Variants in MAPK8 observed in about 807,000 individuals in gnomAD.
The protein encoded by MAPK8 is JUN N-terminal kinase.
In MAPK8, 13 loss-of-function variants were observed where a neutral mutation model predicts 52.9. The ratio of observed to expected loss-of-function variants is 0.25; its 90% CI spans 0.16 to 0.39. The LOEUF is 0.39. Among genes scored for constraint, MAPK8 ranks in the 10% least tolerant of loss-of-function variants. MAPK8 has a pLI of 1.00. For missense variants in MAPK8, 300 were observed against 519.2 expected (o/e 0.58, Z 4.10); for synonymous variants, 191 against 169.8 (o/e 1.12, Z -0.97).
chr10:48,385,524 ACT>A (rs1464821387), intron 1 of MAPK8, among the ~76,000 whole-genome samples: 1 of 152,176 alleles, frequency 6.6e-6, no homozygotes, highest in African/African-American at 2.4e-5. Flanking sequence ...GACGAGAAAT[ACT>A]TAGTGTCTGG....
At chr10:48,320,821 A>C (rs1265241187) in intron 1 of MAPK8, among the ~76,000 whole-genome samples, 2 of 152,252 alleles carry the variant, frequency 1.3e-5, no homozygotes, top group East Asian at 3.9e-4. Flanking sequence ...AAGTGGCTGC[A>C]CCATTTTACA....
At chr10:48,418,292 AATT>A (rs1326403455) in intron 5 of MAPK8, among the ~76,000 whole-genome samples, 1 of 152,158 alleles carries the variant, frequency 6.6e-6, no homozygotes, top group African/African-American at 2.4e-5. Flanking sequence ...TTTTTATAAT[AATT>A]AACACCCCAC....
At chr10:48,327,545 C>G (rs569877996) in intron 1 of MAPK8, among the ~76,000 whole-genome samples, 7 of 152,272 alleles carry the variant, frequency 4.6e-5, no homozygotes, top group African/African-American at 1.4e-4. Flanking sequence ...CTGTAGCTTT[C>G]TTTTCTTACC....
chr10:48,357,035 T>C (rs1218475584), intron 1 of MAPK8, among the ~76,000 whole-genome samples: 1 of 152,052 alleles, frequency 6.6e-6, no homozygotes, highest in African/African-American at 2.4e-5. Context: ...AACACTTCGA[T>C]GGGAAAATAC....
intron 1 of MAPK8, among the ~76,000 whole-genome samples, chr10:48,326,860 A>G (rs1016447640): frequency 2.0e-5 from 3 of 152,142 alleles, no homozygotes; most frequent in Non-Finnish European, 4.4e-5. Context: ...TAGTTGTTCA[A>G]TTCCAACATA....
intron 1 of MAPK8, among the ~76,000 whole-genome samples, chr10:48,324,795 C>A (rs946866557): frequency 6.6e-6 from 1 of 152,118 alleles, no homozygotes. Flanking sequence ...TTCACCAGAT[C>A]TATCCATTAT....
rs2044751731 is a variant in MAPK8, at chr10:48,435,143, A to G, written c.*114A>G. The G allele has an allele frequency of 1.2e-6, 1 of 818,998 alleles. No individual in the cohort carries two copies. The highest frequency in any genetic ancestry group is 1.8e-6 in the Non-Finnish European group (1 of 552,208). 50.7% of individuals were successfully genotyped at this position (818,998 alleles called of 1,614,324 possible). On this transcript the variant is annotated 3_prime_UTR_variant, in exon 12 of 12. Transcript: ENST00000374189. ...TGGGTGATTTTTCAAAAAATGTAGA[A>G]TTCATTTTGTAGTAAAGTAGTTTAT...
intron 10 of MAPK8, among the ~76,000 whole-genome samples, chr10:48,427,838 C>G (rs767867671): frequency 1.4e-4 from 22 of 152,188 alleles, no homozygotes; most frequent in Non-Finnish European, 2.2e-4. Flanking sequence ...GTATCTGCCT[C>G]TCTTGCTTTA....
intron 1 of MAPK8, among the ~76,000 whole-genome samples, chr10:48,356,053 G>A (rs562122841): frequency 7.6e-5 from 11 of 144,454 alleles, no homozygotes; most frequent in African/African-American, 2.7e-4. Flanking sequence ...AAATTTAGAA[G>A]TGTGTACTCT....
chr10:48,370,419 AT>A (rs1450174342), intron 1 of MAPK8, among the ~76,000 whole-genome samples: 1 of 152,058 alleles, frequency 6.6e-6, no homozygotes, highest in African/African-American at 2.4e-5. Context: ...TTACATGCTT[AT>A]GTTGTGCTAC....
intron 1 of MAPK8, among the ~76,000 whole-genome samples, chr10:48,347,879 G>A (rs1845939143): frequency 6.6e-6 from 1 of 152,202 alleles, no homozygotes; most frequent in East Asian, 1.9e-4. Context: ...TGGCTTTATA[G>A]TAGAATGATT....
intron 7 of MAPK8, chr10:48,425,336 A>G (rs2043615021): frequency 4.0e-6 from 2 of 496,044 alleles, no homozygotes; most frequent in South Asian, 8.1e-5. Context: ...TAAGGGTCAG[A>G]GCTTTAGAAA....
chr10:48,425,403 A>G (rs1009785140), intron 7 of MAPK8: 4 of 446,500 alleles, frequency 9.0e-6, no homozygotes, highest in Non-Finnish European at 1.6e-5. Flanking sequence ...ACTTTTATCG[A>G]AGCCTTTATT....
chr10:48,339,431 TAACTC>T (rs1429106414), intron 1 of MAPK8, among the ~76,000 whole-genome samples: 1 of 152,092 alleles, frequency 6.6e-6, no homozygotes, highest in African/African-American at 2.4e-5. Context: ...ATACAAAAAT[TAACTC>T]AAGATGGATT....
intron 6 of MAPK8, among the ~76,000 whole-genome samples, chr10:48,423,389 T>C (rs969920851): frequency 1.3e-5 from 2 of 152,224 alleles, no homozygotes; most frequent in African/African-American, 4.8e-5. Flanking sequence ...GTAGGAAACA[T>C]GAAATACATT....
chr10:48,311,774 G>A (rs1842004511), intron 1 of MAPK8, among the ~76,000 whole-genome samples: 1 of 152,124 alleles, frequency 6.6e-6, no homozygotes, highest in African/African-American at 2.4e-5. Flanking sequence ...ATTTTCTGTG[G>A]TTTTCTAAGT....
At chr10:48,333,909 T>C (rs1209203938) in intron 1 of MAPK8, among the ~76,000 whole-genome samples, 1 of 150,878 alleles carries the variant, frequency 6.6e-6, no homozygotes, top group Non-Finnish European at 1.5e-5. Flanking sequence ...AATCTGGTTG[T>C]GCAGGCTCCA....
At chr10:48,427,051 C>T (rs771062961) in intron 9 of MAPK8, 29 bp from the exon 10 acceptor site, 5 of 1,574,004 alleles carry the variant, frequency 3.2e-6, no homozygotes, top group Non-Finnish European at 3.5e-6. Flanking sequence ...AGCATACTGA[C>T]TTGGTTATTA....
intron 1 of MAPK8, among the ~76,000 whole-genome samples, chr10:48,335,130 C>T (rs1014733662): frequency 7.9e-5 from 12 of 152,146 alleles, no homozygotes; most frequent in African/African-American, 2.7e-4. Context: ...ACTGCCAGTA[C>T]TTAGATTTAG....
Sources: gnomAD v4.1 joint callset for allele counts (sites outside exome capture counted in the v4.1 genomes callset) on GRCh38, gnomAD v4.1.1 for gene constraint, MANE v1.5 for transcripts, NCBI Gene and HGNC (gene_info 2026-07-23, HGNC 2026-07-21) for gene names.